SMG1: variants seen among roughly 807,000 people sequenced by gnomAD.
The protein encoded by SMG1 is SMG1 nonsense mediated mRNA decay associated PI3K related kinase.
SMG1 carries 22 observed loss-of-function variants against 419.9 expected under a neutral mutation model. The ratio of observed to expected loss-of-function variants is 0.05; its 90% CI spans 0.04 to 0.07. The LOEUF is 0.07. Ranked by LOEUF, SMG1 falls within the 10% of genes least tolerant of loss-of-function variation. SMG1 has a pLI of 1.00. For synonymous variants in SMG1, 1,538 were observed against 1,553.5 expected (o/e 0.99, Z 0.23); for missense variants, 3,185 against 4,342.0 (o/e 0.73, Z 7.49).
intron 51 of SMG1, among the ~76,000 whole-genome samples, chr16:18,832,340 A>T (rs996457153): frequency 1.3e-5 from 2 of 152,182 alleles, no homozygotes; most frequent in East Asian, 3.8e-4. Flanking sequence ...GCTTTTCTGG[A>T]CTAATGAGAT....
At chr16:18,843,164 G>T (rs903635284) in intron 39 of SMG1, among the ~76,000 whole-genome samples, 1 of 152,132 alleles carries the variant, frequency 6.6e-6, no homozygotes, top group Non-Finnish European at 1.5e-5. Flanking sequence ...CTGTCAGGTC[G>T]ACAAAACTTT....
rs1172049971 is a variant in SMG1, at chr16:18,808,538, T to A, written c.*1031A>T. ...AAAAAGGTAAAAGATTACACTGGAT[T>A]AGCTACTTTCTATGAAAGAAACTAC... On this transcript the variant is annotated 3_prime_UTR_variant, in exon 63 of 63. Transcript: ENST00000446231. The A allele has an allele frequency of 6.6e-6, 1 of 152,228 alleles. No individual in the cohort carries two copies. Among genetic ancestry groups the A allele is most frequent in the East Asian group, 1.9e-4 (1 of 5,198 alleles). 9.4% of individuals were successfully genotyped at this position (152,228 alleles called of 1,614,324 possible).
In SMG1 at chr16:18,852,476, CA is replaced by C; in HGVS notation, c.4769-15del. The C allele has an allele frequency of 2.7e-6, 4 of 1,492,052 alleles. No individual in the cohort carries two copies. Among genetic ancestry groups the C allele is most frequent in the Non-Finnish European group, 3.6e-6 (4 of 1,117,526 alleles). 92.4% of individuals were successfully genotyped at this position (1,492,052 alleles called of 1,614,324 possible). A position where few individuals can be genotyped will look rare whatever the true frequency, so the allele number is the denominator to read the frequency against. The stretch of plus-strand genomic sequence containing the variant: ...CTCCAATATGCACTGCCAAAATGGA[CA>C]AAAAAATAATTATAATAAAAGAACT... On this transcript the variant is annotated splice_polypyrimidine_tract_variant and intron_variant, in intron 31 of 62. Transcript: ENST00000446231.
intron 50 of SMG1, 49 bp downstream of exon 50, chr16:18,834,155 C>A: frequency 7.4e-7 from 1 of 1,346,410 alleles, no homozygotes. Context: ...ATGAGAAAGA[C>A]AATATTCAGT....
chr16:18,835,302 G>A (rs1489363907), intron 48 of SMG1, 138 bp from the exon 49 acceptor site: 6 of 957,110 alleles, frequency 6.3e-6, no homozygotes, highest in Non-Finnish European at 9.0e-6. Flanking sequence ...TGTCTCAAGA[G>A]CTTAAGCAAT....
chr16:18,838,503 C>A (rs1232606554), intron 43 of SMG1, 37 bp from the exon 44 acceptor site: 2 of 1,613,870 alleles, frequency 1.2e-6, no homozygotes, highest in Non-Finnish European at 1.7e-6. Flanking sequence ...TGCCCTTTCA[C>A]CAAAAAACAT....
rs1263461509 is a variant in SMG1 at position 18,863,351 on chromosome 16, G to T, written c.3695+299C>A. 2.6e-5 allele frequency among the ~76,000 whole-genome samples: 4 copies of T among 152,194 alleles called. No homozygotes were observed. In the South Asian group the frequency reaches 8.3e-4, roughly 32 times the overall value. On this transcript the variant is annotated intron_variant, in intron 25 of 62. Coordinates refer to ENST00000446231, the MANE Select transcript of SMG1 (RefSeq NM_015092.5). ...GCCATCAAACATGATTCTTTCTAAA[G>T]CAGTACAAATTTTTCTTTATATTCA...
rs368196825 is a variant in SMG1 at position 18,887,672 on chromosome 16, T to TAA, written c.822+1698_822+1699dup. Among the ~76,000 whole-genome samples, 136 of 65,682 alleles carry TAA rather than the reference T, an allele frequency of 2.1e-3. 8 individuals are homozygous for TAA. The highest frequency in any genetic ancestry group is 3.4e-3 in the African/African-American group (47 of 13,808). The allele number at this position is 65,682 out of a possible 152,430, so 43.1% of individuals were successfully genotyped here. A position where few individuals can be genotyped will look rare whatever the true frequency, so the allele number is the denominator to read the frequency against. ...CCCAGTTAAAAATACACTTTTTATT[T>TAA]AAAAAAAAAAAAAAAAAAAAAAGAA... is the stretch of plus-strand genomic sequence containing the variant. On this transcript the variant is annotated intron_variant, in intron 6 of 62. Transcript: ENST00000446231.
rs1426016557 is a variant in SMG1, at chr16:18,804,919, GTTA to G, written c.*4647_*4649del. 6.6e-6 allele frequency: 1 copy of G among 152,668 alleles called. No individual in the cohort carries two copies. The highest frequency in any genetic ancestry group is 1.5e-5 in the Non-Finnish European group (1 of 68,044). The allele number at this position is 152,668 out of a possible 1,614,324, so 9.5% of individuals were successfully genotyped here. A position where few individuals can be genotyped will look rare whatever the true frequency, so the allele number is the denominator to read the frequency against. ...AGGTATTTCATACAATCTTTGCCAT[GTTA>G]ATGCAAATATGCACAAAGTAGGCAT... On this transcript the variant is annotated 3_prime_UTR_variant, in exon 63 of 63. Transcript: ENST00000446231.
At chr16:18,880,896 G>A (rs2036360254) in intron 10 of SMG1, among the ~76,000 whole-genome samples, 1 of 150,956 alleles carries the variant, frequency 6.6e-6, no homozygotes, top group Non-Finnish European at 1.5e-5. Flanking sequence ...AGGAGCTATA[G>A]TGGGAAGATC....
intron 41 of SMG1, among the ~76,000 whole-genome samples, chr16:18,840,363 T>G (rs1252028247): frequency 6.6e-6 from 1 of 152,244 alleles, no homozygotes; most frequent in Non-Finnish European, 1.5e-5. Flanking sequence ...CATGAGAATT[T>G]AGATAGCCCT....
At chr16:18,818,031 A>G (rs2032170704) in intron 56 of SMG1, among the ~76,000 whole-genome samples, 1 of 151,354 alleles carries the variant, frequency 6.6e-6, no homozygotes, top group African/African-American at 2.4e-5. Context: ...TCTCCCAGGT[A>G]GCTAGTCTCC....
intron 11 of SMG1, chr16:18,879,123 TTTTC>T: frequency 3.4e-6 from 1 of 291,876 alleles, no homozygotes; most frequent in Non-Finnish European, 6.6e-6. Context: ...CCTTATTTTT[TTTTC>T]TTTTTTGGAG....
chr16:18,863,883 G>C, intron 24 of SMG1, 32 bp from the exon 25 acceptor site: 1 of 1,589,830 alleles, frequency 6.3e-7, no homozygotes, highest in Non-Finnish European at 8.6e-7. Flanking sequence ...AGAAGAGAGA[G>C]ATTCAGATCA....
At chr16:18,893,126 A>C (rs1230659857) in intron 3 of SMG1, among the ~76,000 whole-genome samples, 2 of 152,210 alleles carry the variant, frequency 1.3e-5, no homozygotes, top group Admixed American at 6.5e-5. Flanking sequence ...ACTGGAGGAA[A>C]GCCTCTTATT....
chr16:18,858,803 A>G (rs1216422113), intron 28 of SMG1: 10 of 437,332 alleles, frequency 2.3e-5, no homozygotes, highest in Non-Finnish European at 3.6e-5. Context: ...AGAAGGAAAA[A>G]ACTGAGCAAT....
At chr16:18,875,864 T>C in intron 13 of SMG1, 1 of 530,006 alleles carries the variant, frequency 1.9e-6, no homozygotes, top group Non-Finnish European at 3.3e-6. Context: ...TAGGAGAAAT[T>C]CATAAGACAT....
Position 18,872,318 on chromosome 16 carries a change from G to A in SMG1, c.2049C>T (p.Leu683=), listed in dbSNP as rs1420801176. ...CAAACAAAGAAGGAGAGGAAGAACTGAGGCTACTAGAGATAAAGTGATCAT... is the reference window on the plus strand; with the variant it reads ...CAAACAAAGAAGGAGAGGAAGAACTAAGGCTACTAGAGATAAAGTGATCAT... ...TRHDHFISSS[L]SSSSPSLFDG... Residue 683 remains leucine (L), a synonymous_variant, in exon 15 of 63, where the codon CTC becomes CTT. Transcript: ENST00000446231. 31 of 1,585,110 alleles carry A rather than the reference G, an allele frequency of 2.0e-5. No individual in the cohort carries two copies. The highest frequency in any genetic ancestry group is 2.6e-5 in the Non-Finnish European group (30 of 1,169,622).
In SMG1 at chr16:18,829,733, C is replaced by T; in HGVS notation, c.9156G>A (p.Gln3052=). The part of the protein sequence containing the change: ...TLSGSSSLED[Q]NTVNGPVQIV... ...TCTGTACAGGCCCATTCACAGTATT[C>T]TGATCTTCAAGTGAACTTGATCCTA... The change falls in exon 54 of 63, where the codon CAG becomes CAA. Residue 3052 remains glutamine, a synonymous_variant. Coordinates refer to ENST00000446231, the MANE Select transcript of SMG1 (RefSeq NM_015092.5). 6.2e-7 allele frequency: 1 copy of T among 1,602,634 alleles called. No homozygotes were observed. The highest frequency in any genetic ancestry group is 8.5e-7 in the Non-Finnish European group (1 of 1,172,254).
Sources: gnomAD v4.1 joint callset for allele counts (sites outside exome capture counted in the v4.1 genomes callset) on GRCh38, gnomAD v4.1.1 for gene constraint, MANE v1.5 for transcripts, NCBI Gene and HGNC (gene_info 2026-07-23, HGNC 2026-07-21) for gene names.